CCDC102B: variants seen among roughly 807,000 people sequenced by gnomAD.
CCDC102B encodes the protein coiled-coil domain-containing protein 102B.
A neutral mutation model predicts 57.4 loss-of-function variants in CCDC102B; 75 were observed. The ratio of observed to expected loss-of-function variants is 1.31; its 90% CI spans 1.08 to 1.58. The LOEUF (loss-of-function observed/expected upper bound fraction) is 1.58, where lower values mean the gene tolerates loss of function less well. CCDC102B is among the 40% of genes most tolerant of loss of function. CCDC102B has a pLI of 0.00. For synonymous variants in CCDC102B, 206 were observed against 201.9 expected (o/e 1.02, Z -0.17); for missense variants, 636 against 582.6 (o/e 1.09, Z -0.94).
At chr18:68,918,628 A>C (rs62095001) in intron 6 of CCDC102B, among the ~76,000 whole-genome samples, 42,566 of 152,110 alleles carry the variant, frequency 0.28, 6,950 homozygotes, top group East Asian at 0.62. Context: ...AAAGAGAGAG[A>C]GGGAACATGT....
chr18:68,715,824 G>A (rs1296473142), intron 1 of CCDC102B, among the ~76,000 whole-genome samples: 1 of 152,044 alleles, frequency 6.6e-6, no homozygotes, highest in African/African-American at 2.4e-5. Flanking sequence ...CACTACTTAC[G>A]AACTAGATGA....
intron 6 of CCDC102B, among the ~76,000 whole-genome samples, chr18:68,913,206 A>C (rs1370703216): frequency 6.6e-6 from 1 of 152,158 alleles, no homozygotes. Context: ...TCTAAATTAC[A>C]GAAAAATAAA....
At chr18:68,956,857 C>T (rs1035668862) in intron 6 of CCDC102B, among the ~76,000 whole-genome samples, 1 of 151,280 alleles carries the variant, frequency 6.6e-6, no homozygotes, top group Admixed American at 6.6e-5. Context: ...GTAATTTTGA[C>T]TTGCACTTTT....
At chr18:68,996,641 G>C (rs2051036008) in intron 6 of CCDC102B, among the ~76,000 whole-genome samples, 1 of 152,138 alleles carries the variant, frequency 6.6e-6, no homozygotes. Flanking sequence ...CTTCCATTTG[G>C]AACAGCTGTA....
At chr18:68,726,711 T>C (rs2032612076) in intron 2 of CCDC102B, among the ~76,000 whole-genome samples, 1 of 152,212 alleles carries the variant, frequency 6.6e-6, no homozygotes, top group African/African-American at 2.4e-5. Flanking sequence ...AATTCCTCCC[T>C]GCATATTGTC....
At position 68,838,744 on chromosome 18, in the gene CCDC102B, G is replaced by A; in HGVS notation, c.645G>A (p.Glu215=). The A allele has an allele frequency of 2.5e-6, 4 of 1,613,956 alleles. No homozygotes were observed. The highest frequency in any genetic ancestry group is 1.1e-5 in the South Asian group (1 of 91,072). The change falls in exon 3 of 8, where the codon GAG becomes GAA. Residue 215 remains glutamate (E), a synonymous_variant. Transcript: ENST00000360242. ...GVVIDSLKLS[E]EMKPNLDGVD... ...TTATTGATTCTCTAAAATTAAGTGA[G>A]GAGATGAAGCCCAATCTAGATGGTG...
intron 7 of CCDC102B, among the ~76,000 whole-genome samples, chr18:69,038,241 G>T (rs1416692915): frequency 6.6e-6 from 1 of 151,872 alleles, no homozygotes; most frequent in Non-Finnish European, 1.5e-5. Context: ...AATGTCTGCA[G>T]AATGTTCCAT....
intron 7 of CCDC102B, among the ~76,000 whole-genome samples, chr18:69,031,857 A>G (rs1340278629): frequency 1.3e-5 from 2 of 152,162 alleles, no homozygotes; most frequent in Non-Finnish European, 1.5e-5. Context: ...ATCATTTTAT[A>G]ATAAGCAAAA....
intron 5 of CCDC102B, among the ~76,000 whole-genome samples, chr18:68,882,891 A>G (rs181203873): frequency 6.6e-6 from 1 of 152,346 alleles, no homozygotes; most frequent in Non-Finnish European, 1.5e-5. Flanking sequence ...AAAGGAACAG[A>G]AAACCAAATA....
At position 68,810,869 on chromosome 18, in the gene CCDC102B, T is replaced by C. The variant is rs372415182; in HGVS notation, c.-16+12688T>C. ...CCCCACCACCCAACAGGCCCCAGTG[T>C]GTGAGTGTGTGATGTGCCCCTCCCT... On this transcript the variant is annotated intron_variant, in intron 1 of 7. Transcript: ENST00000360242. 5.3e-5 allele frequency among the ~76,000 whole-genome samples: 8 copies of C among 151,948 alleles called. No homozygotes were observed. In the East Asian group the frequency reaches 1.4e-3, roughly 26 times the overall value.
intron 2 of CCDC102B, among the ~76,000 whole-genome samples, chr18:68,725,948 G>A (rs1161278199): frequency 2.0e-5 from 3 of 152,176 alleles, no homozygotes; most frequent in Non-Finnish European, 2.9e-5. Context: ...AGATGTGTGG[G>A]TGAAATGGCC....
At chr18:68,956,429 ACATTT>A (rs2049871009) in intron 6 of CCDC102B, among the ~76,000 whole-genome samples, 1 of 48,144 alleles carries the variant, frequency 2.1e-5, no homozygotes, top group Admixed American at 4.0e-4. Context: ...TATATATTAT[ACATTT>A]TATATATATT....
chr18:68,930,933 G>A (rs2041652483), intron 6 of CCDC102B, among the ~76,000 whole-genome samples: 1 of 151,248 alleles, frequency 6.6e-6, no homozygotes, highest in African/African-American at 2.4e-5. Context: ...TTTTTCAAAT[G>A]AGCACATGAT....
intron 2 of CCDC102B, among the ~76,000 whole-genome samples, chr18:68,744,759 A>G (rs1003577440): frequency 1.4e-4 from 22 of 152,202 alleles, no homozygotes; most frequent in African/African-American, 5.3e-4. Flanking sequence ...ATGGTGGAGC[A>G]TGTGTAAGAC....
intron 4 of CCDC102B, among the ~76,000 whole-genome samples, chr18:68,852,085 A>G (rs1264933544): frequency 6.6e-6 from 1 of 151,954 alleles, no homozygotes; most frequent in African/African-American, 2.4e-5. Flanking sequence ...AGGAGATTGG[A>G]CCAGGTCGCC....
intron 6 of CCDC102B, among the ~76,000 whole-genome samples, chr18:68,906,328 G>T (rs2040641917): frequency 6.6e-6 from 1 of 152,038 alleles, no homozygotes; most frequent in African/African-American, 2.4e-5. Context: ...AGTTATTTGG[G>T]GTATATATCT....
intron 6 of CCDC102B, among the ~76,000 whole-genome samples, chr18:69,007,750 T>C (rs1022238902): frequency 1.3e-5 from 2 of 152,238 alleles, no homozygotes; most frequent in Non-Finnish European, 2.9e-5. Flanking sequence ...TGAGAATAAG[T>C]TGATATTCTC....
At chr18:68,909,393 A>G (rs2145064579) in intron 6 of CCDC102B, among the ~76,000 whole-genome samples, 1 of 152,332 alleles carries the variant, frequency 6.6e-6, no homozygotes, top group East Asian at 1.9e-4. Flanking sequence ...AGGAAGTTCT[A>G]TATTCACTGT....
intron 3 of CCDC102B, among the ~76,000 whole-genome samples, chr18:68,840,851 A>G (rs1256439503): frequency 2.6e-5 from 4 of 152,224 alleles, no homozygotes; most frequent in African/African-American, 9.6e-5. Flanking sequence ...TATACACAAC[A>G]TATACTTTTT....
Sources: allele counts gnomAD v4.1 joint callset (sites outside exome capture counted in the v4.1 genomes callset), GRCh38; gene constraint gnomAD v4.1.1; transcripts MANE v1.5; gene names NCBI Gene and HGNC (gene_info 2026-07-23, HGNC 2026-07-21).